HTR2C: variants seen among roughly 807,000 people sequenced by gnomAD.
HTR2C encodes the protein 5-hydroxytryptamine receptor 2C.
In HTR2C, 5 loss-of-function variants were observed where a neutral mutation model predicts 21.0. That is an observed-to-expected ratio of 0.24 (90% CI 0.12 to 0.50). The LOEUF (loss-of-function observed/expected upper bound fraction) is 0.50. Among genes scored for constraint, HTR2C ranks in the 20% least tolerant of loss-of-function variants. HTR2C has a pLI of 0.98. For synonymous variants in HTR2C, 150 were observed against 145.3 expected, an observed-to-expected ratio of 1.03 and a Z score of -0.23; for missense variants, 271 against 371.2, an observed-to-expected ratio of 0.73 and a Z score of 2.22.
At chrX:114,607,422 T>G (rs908205322) in intron 1 of HTR2C, among the ~76,000 whole-genome samples, 1 of 111,836 alleles carries the variant, frequency 8.9e-6, no homozygotes, top group African/African-American at 3.3e-5. Context: ...TTAAGATCAA[T>G]GATGAAAAAG....
intron 2 of HTR2C, among the ~76,000 whole-genome samples, chrX:114,670,159 G>A (rs1435451259): frequency 4.5e-5 from 5 of 111,279 alleles, no homozygotes; most frequent in Non-Finnish European, 9.4e-5. Context: ...TTGGGAGGCC[G>A]AGGCAGGTGG....
chrX:114,854,609 A>C (rs1344139718), intron 5 of HTR2C, among the ~76,000 whole-genome samples: 1 of 111,356 alleles, frequency 9.0e-6, no homozygotes, highest in Non-Finnish European at 1.9e-5. Flanking sequence ...GTAATATCTG[A>C]AACTACAAAA....
chrX:114,647,964 G>A (rs1157026358), intron 2 of HTR2C, among the ~76,000 whole-genome samples: 2 of 112,234 alleles, frequency 1.8e-5, no homozygotes, highest in African/African-American at 6.5e-5. Flanking sequence ...TGTAAGAAAA[G>A]ACAGATTAAT....
chrX:114,898,054 C>A (rs1321857479), intron 5 of HTR2C, among the ~76,000 whole-genome samples: 1 of 112,378 alleles, frequency 8.9e-6, no homozygotes, highest in Non-Finnish European at 1.9e-5. Flanking sequence ...TTCTCCACAA[C>A]CTCACCACCC....
At chrX:114,594,473 A>G (rs1332306413) in intron 1 of HTR2C, among the ~76,000 whole-genome samples, 1 of 111,518 alleles carries the variant, frequency 9.0e-6, no homozygotes, top group Non-Finnish European at 1.9e-5. Flanking sequence ...AATGGATCAA[A>G]ATGCTTTGGC....
chrX:114,638,025 G>A (rs1929915769), intron 2 of HTR2C, among the ~76,000 whole-genome samples: 1 of 111,480 alleles, frequency 9.0e-6, no homozygotes, highest in Non-Finnish European at 1.9e-5. Context: ...CATCCATTGT[G>A]GTTCAGGGTA....
At chrX:114,638,816 A>T (rs1320077915) in intron 2 of HTR2C, among the ~76,000 whole-genome samples, 1 of 105,164 alleles carries the variant, frequency 9.5e-6, no homozygotes, top group Non-Finnish European at 1.9e-5. Flanking sequence ...GAGAATGATG[A>T]TTTCCAATTT....
intron 4 of HTR2C, among the ~76,000 whole-genome samples, chrX:114,829,034 G>A (rs1477864164): frequency 9.0e-6 from 1 of 111,676 alleles, no homozygotes; most frequent in Non-Finnish European, 1.9e-5. Context: ...CCACTATAAA[G>A]AGTCATGTCA....
At chrX:114,838,690 T>A (rs1407602047) in intron 4 of HTR2C, among the ~76,000 whole-genome samples, 1 of 112,084 alleles carries the variant, frequency 8.9e-6, no homozygotes, top group African/African-American at 3.2e-5. Context: ...TTCATTTCAC[T>A]CAACTATGAA....
At chrX:114,606,340 G>A (rs1556396859) in intron 1 of HTR2C, among the ~76,000 whole-genome samples, 2 of 111,575 alleles carry the variant, frequency 1.8e-5, no homozygotes, top group Non-Finnish European at 3.8e-5. Context: ...CCCCAGAAAA[G>A]CGGGACTTGC....
chrX:114,847,448 G>A (rs1393975604), intron 4 of HTR2C, among the ~76,000 whole-genome samples: 1 of 56,086 alleles, frequency 1.8e-5, no homozygotes, highest in Non-Finnish European at 3.1e-5. Flanking sequence ...GGGGTGGGGG[G>A]AGGGGGGAGG....
chrX:114,814,978 C>T (rs1457422711), intron 4 of HTR2C, among the ~76,000 whole-genome samples: 1 of 100,995 alleles, frequency 9.9e-6, no homozygotes, highest in Admixed American at 1.2e-4. Context: ...ACATATAATA[C>T]ATTATATATT....
chrX:114,733,146 G>A (rs1297922327), intron 4 of HTR2C, among the ~76,000 whole-genome samples: 1 of 111,204 alleles, frequency 9.0e-6, no homozygotes, highest in Non-Finnish European at 1.9e-5. Flanking sequence ...GGTTACTCAC[G>A]CCTGTAATCC....
At chrX:114,613,162 C>T (rs974495234) in intron 1 of HTR2C, among the ~76,000 whole-genome samples, 2 of 110,423 alleles carry the variant, frequency 1.8e-5, no homozygotes, top group African/African-American at 6.6e-5. Context: ...TCGTCTTGAA[C>T]CCCTGACCTC....
intron 2 of HTR2C, among the ~76,000 whole-genome samples, chrX:114,725,914 T>G (rs1933445037): frequency 1.9e-5 from 2 of 107,330 alleles, no homozygotes; most frequent in Admixed American, 1.0e-4. Context: ...ACTGCTATCT[T>G]CAATGCTGTC....
chrX:114,719,873 T>C (rs1409505173), intron 2 of HTR2C, among the ~76,000 whole-genome samples: 3 of 111,685 alleles, frequency 2.7e-5, no homozygotes, highest in Non-Finnish European at 5.6e-5. Flanking sequence ...CTTCATGAGA[T>C]GATTATTGTA....
At chrX:114,648,785 C>A (rs1173046506) in intron 2 of HTR2C, among the ~76,000 whole-genome samples, 1 of 111,680 alleles carries the variant, frequency 9.0e-6, no homozygotes, top group Non-Finnish European at 1.9e-5. Flanking sequence ...ATTGCTTAGT[C>A]TGTGTTAGGC....
chrX:114,644,401 ATATAT>A (rs1930280237), intron 2 of HTR2C, among the ~76,000 whole-genome samples: 1 of 75,676 alleles, frequency 1.3e-5, no homozygotes, highest in Non-Finnish European at 2.5e-5. Context: ...ATATATATAT[ATATAT>A]ATTTCTGAGA....
intron 2 of HTR2C, among the ~76,000 whole-genome samples, chrX:114,700,736 C>T (rs1053329497): frequency 1.4e-4 from 16 of 112,195 alleles, no homozygotes; most frequent in Admixed American, 1.9e-4. Context: ...GCACTGTGCG[C>T]GAGCCGAAGC....
Sources: allele counts gnomAD v4.1 joint callset (sites outside exome capture counted in the v4.1 genomes callset), GRCh38; gene constraint gnomAD v4.1.1; transcripts MANE v1.5; gene names NCBI Gene and HGNC (gene_info 2026-07-23, HGNC 2026-07-21).